SH3BP4: variants seen among roughly 807,000 people sequenced by gnomAD.
The protein encoded by SH3BP4 is SH3 domain-binding protein 4.
In SH3BP4, 33 loss-of-function variants were observed where a neutral mutation model predicts 65.5. That is an observed-to-expected ratio of 0.50 (90% CI 0.38 to 0.67). The LOEUF (loss-of-function observed/expected upper bound fraction) is 0.67, where lower values mean the gene tolerates loss of function less well. SH3BP4 is among the 30% of genes least tolerant of loss of function. The probability of loss-of-function intolerance (pLI) is 0.00; values close to 1 mark genes in which losing one functional copy is unlikely to be tolerated. For missense variants in SH3BP4, 1,134 were observed against 1,261.4 expected, an observed-to-expected ratio of 0.90 and a Z score of 1.53; for synonymous variants, 552 against 545.5, an observed-to-expected ratio of 1.01 and a Z score of -0.17.
At chr2:234,969,322 T>C (rs1692919971) in intron 1 of SH3BP4, among the ~76,000 whole-genome samples, 1 of 152,200 alleles carries the variant, frequency 6.6e-6, no homozygotes, top group African/African-American at 2.4e-5. Flanking sequence ...TCTGGGTCTA[T>C]GCTCCTTCCT....
intron 2 of SH3BP4, among the ~76,000 whole-genome samples, chr2:235,011,080 C>G (rs565440277): frequency 6.6e-6 from 1 of 150,452 alleles, no homozygotes; most frequent in Non-Finnish European, 1.5e-5. Flanking sequence ...AACCCTTCCT[C>G]CCTCTTCTAG....
At chr2:234,988,301 T>C (rs566285478) in intron 1 of SH3BP4, among the ~76,000 whole-genome samples, 15 of 152,244 alleles carry the variant, frequency 9.9e-5, no homozygotes, top group South Asian at 4.1e-4. Flanking sequence ...CCTCATGATC[T>C]GCCCACCTTG....
At position 235,026,382 on chromosome 2, in the gene SH3BP4, C is replaced by T. The variant is rs1478330595; in HGVS notation, c.-132-8489C>T. On this transcript the variant is annotated intron_variant, in intron 2 of 5. Transcript: ENST00000392011. This position sits in a 1 kb window ranked among gnomAD's most constrained non-coding sequence, Gnocchi z 4.6. Reference sequence around the variant, plus strand: ...GACGACTCATGGCCCTTGTTTTCCCCGCATCTCTGGAGTCTGAGTCACCAG... The same window carrying T: ...GACGACTCATGGCCCTTGTTTTCCCTGCATCTCTGGAGTCTGAGTCACCAG... Among the ~76,000 whole-genome samples the T allele has an allele frequency of 6.6e-6, 1 of 152,150 alleles. No homozygotes were observed. The highest frequency in any genetic ancestry group is 1.5e-5 in the Non-Finnish European group (1 of 68,020).
chr2:234,988,348 C>T (rs997414019), intron 1 of SH3BP4, among the ~76,000 whole-genome samples: 5 of 152,196 alleles, frequency 3.3e-5, no homozygotes, highest in Non-Finnish European at 4.4e-5. Context: ...CGTGAGCCAC[C>T]ACACCCGGCC....
rs1693195614 is a variant in SH3BP4, at chr2:234,977,227, G to T, written c.-206-18076G>T. 2.6e-5 allele frequency among the ~76,000 whole-genome samples: 4 copies of T among 152,182 alleles called. No homozygotes were observed. The highest frequency in any genetic ancestry group is 2.6e-4 in the Admixed American group (4 of 15,286). On this transcript the variant is annotated intron_variant, in intron 1 of 5. Transcript: ENST00000392011. The surrounding 1 kb of genome is among the most constrained non-coding windows in gnomAD (Gnocchi z 5.1). The stretch of plus-strand genomic sequence containing the variant: ...TGTCTGCTTCAGGCAGGTGACACTG[G>T]GCACCTCCTGCCGGGGAGAAGCTCA...
intron 4 of SH3BP4, among the ~76,000 whole-genome samples, chr2:235,049,587 G>A (rs1032235151): frequency 3.9e-5 from 6 of 152,186 alleles, no homozygotes; most frequent in African/African-American, 9.7e-5. Context: ...CTCCTGACAC[G>A]TGAATACACA....
At chr2:234,993,943 C>T (rs1480020555) in intron 1 of SH3BP4, among the ~76,000 whole-genome samples, 1 of 152,142 alleles carries the variant, frequency 6.6e-6, no homozygotes, top group African/African-American at 2.4e-5. Flanking sequence ...TTTGTCTTCT[C>T]TGGTTTCAGA....
Position 235,040,968 on chromosome 2 carries a change from T to A in SH3BP4, c.199T>A (p.Cys67Ser), listed in dbSNP as rs761650383. The change falls in exon 4 of 6, where the codon TGC (cysteine) becomes AGC (serine). Residue 67 changes from cysteine (C) to serine (S), a missense_variant. Coordinates refer to ENST00000392011, the MANE Select transcript of SH3BP4 (RefSeq NM_014521.3). Reference sequence around the variant, plus strand: ...GGAAGTGATTGCGATCAAGGACTATTGCCCCACCAACTTCACCACACTGAA... The same window carrying A: ...GGAAGTGATTGCGATCAAGGACTATAGCCCCACCAACTTCACCACACTGAA... ...AKEVIAIKDY[C>S]PTNFTTLKFS... is the part of the protein sequence containing the mutation. 5.5e-5 allele frequency: 88 copies of A among 1,614,044 alleles called. 1 individual carries two copies. In the South Asian group the frequency reaches 9.1e-4, roughly 17 times the overall value.
intron 1 of SH3BP4, among the ~76,000 whole-genome samples, chr2:234,989,085 C>T (rs1693672557): frequency 6.6e-6 from 1 of 151,978 alleles, no homozygotes. Flanking sequence ...ATCAGAGTGT[C>T]GCTTTCTCAG....
chr2:235,010,853 C>CCTCTTCTAGGAGAACCCTTTCTCT (rs1694467500), intron 2 of SH3BP4, among the ~76,000 whole-genome samples: 1 of 132,374 alleles, frequency 7.6e-6, no homozygotes, highest in Non-Finnish European at 1.7e-5. Context: ...ACCCTTCCTC[C>CCTCTTCTAGGAGAACCCTTTCTCT]CTCTCCTAGG....
intron 2 of SH3BP4, among the ~76,000 whole-genome samples, chr2:235,021,633 A>AG (rs1157127860): frequency 6.6e-6 from 1 of 152,030 alleles, no homozygotes; most frequent in African/African-American, 2.4e-5. Flanking sequence ...AAAAAAAAAA[A>AG]AAATGATAAT....
At position 235,040,920 on chromosome 2, in the gene SH3BP4, C is replaced by A; in HGVS notation, c.151C>A (p.Pro51Thr). ...TCCCAGTGCCTTGCTCGTAGACAAC[C>A]CCACACCTTTCGGAAATGCAAAGGA... is the stretch of plus-strand genomic sequence containing the variant. ...PSPSALLVDN[P>T]TPFGNAKEVI... The change falls in exon 4 of 6, where the codon CCC (proline) becomes ACC (threonine). Residue 51 changes from proline (P) to threonine (T), a missense_variant. Coordinates refer to ENST00000392011, the MANE Select transcript of SH3BP4 (RefSeq NM_014521.3). 1.2e-6 allele frequency: 2 copies of A among 1,613,828 alleles called. No homozygotes were observed. Among genetic ancestry groups the A allele is most frequent in the Non-Finnish European group, 1.7e-6 (2 of 1,179,794 alleles).
At chr2:234,955,602 G>A (rs904277408) in intron 1 of SH3BP4, among the ~76,000 whole-genome samples, 1 of 152,146 alleles carries the variant, frequency 6.6e-6, no homozygotes, top group East Asian at 1.9e-4. Flanking sequence ...GCTGTGTGCC[G>A]TGTTTTAAGA....
Position 234,967,623 on chromosome 2 carries a change from G to A in SH3BP4, c.-207+15453G>A, listed in dbSNP as rs955711839. On this transcript the variant is annotated intron_variant, in intron 1 of 5. Transcript: ENST00000392011. This position sits in a 1 kb window ranked among gnomAD's most constrained non-coding sequence, Gnocchi z 4.6. ...GAATTATTCTCATGGCTCCATATCC[G>A]CGTCAGGTTACCTCCTTCCCGTGCC... Among the ~76,000 whole-genome samples the A allele has an allele frequency of 3.3e-5, 5 of 152,156 alleles. No individual in the cohort carries two copies. The highest frequency in any genetic ancestry group is 3.9e-4 in the East Asian group (2 of 5,190).
chr2:235,007,496 C>A (rs569554857), intron 2 of SH3BP4, among the ~76,000 whole-genome samples: 2 of 152,250 alleles, frequency 1.3e-5, no homozygotes, highest in South Asian at 4.1e-4. Context: ...AGCCTGAGGA[C>A]GCTGCTGCAG....
chr2:235,042,716 G>T lies in SH3BP4; in HGVS notation c.1947G>T (p.Gln649His), dbSNP rs1695711170. ...FATTTKYPTF[Q>H]DRPVSSLKFG... ...CCACTACAAAGTACCCGACTTTCCA[G>T]GACCGCCCGGTGTCCAGCCTCAAGT... Residue 649 changes from glutamine (Q) to histidine (H), a missense_variant, in exon 4 of 6, where the codon CAG becomes CAT. Gln to His is a conservative substitution (Grantham distance 24). Transcript: ENST00000392011. The surrounding 1 kb of genome is among the most constrained non-coding windows in gnomAD (Gnocchi z 7.3). 1.9e-6 allele frequency: 3 copies of T among 1,614,180 alleles called. No homozygotes were observed.
intron 3 of SH3BP4, among the ~76,000 whole-genome samples, chr2:235,039,088 T>G (rs1266125091): frequency 6.6e-6 from 1 of 152,184 alleles, no homozygotes; most frequent in Non-Finnish European, 1.5e-5. Context: ...TCTTAGGCTC[T>G]GGAGATCACA....
At chr2:234,996,531 C>T (rs1249821023) in intron 2 of SH3BP4, among the ~76,000 whole-genome samples, 2 of 152,196 alleles carry the variant, frequency 1.3e-5, no homozygotes, top group Non-Finnish European at 2.9e-5. Flanking sequence ...CCCACTGGGG[C>T]CTCAGCGACT....
intron 1 of SH3BP4, among the ~76,000 whole-genome samples, chr2:234,958,926 C>T (rs1685951664): frequency 6.6e-6 from 1 of 151,982 alleles, no homozygotes; most frequent in African/African-American, 2.4e-5. Flanking sequence ...AGGGTTGGGT[C>T]AGAGGGACTG....
Sources: gnomAD v4.1 joint callset for allele counts (sites outside exome capture counted in the v4.1 genomes callset) on GRCh38, gnomAD v4.1.1 for gene constraint, Gnocchi (gnomAD v3.1) non-coding constraint, MANE v1.5 for transcripts, NCBI Gene and HGNC (gene_info 2026-07-23, HGNC 2026-07-21) for gene names.